CADM3: variants seen among roughly 807,000 people sequenced by gnomAD.
The protein encoded by CADM3 is TSLC1-like 1.
In CADM3, 11 loss-of-function variants were observed where a neutral mutation model predicts 44.9. That is an observed-to-expected ratio of 0.25 (90% confidence interval 0.15 to 0.41). CADM3 has a LOEUF of 0.41. CADM3 is among the 10% of genes least tolerant of loss of function. The probability of loss-of-function intolerance (pLI) is 1.00; values close to 1 mark genes in which losing one functional copy is unlikely to be tolerated. For synonymous variants in CADM3, 207 were observed against 205.2 expected, an observed-to-expected ratio of 1.01 and a Z score of -0.08; for missense variants, 426 against 512.0, an observed-to-expected ratio of 0.83 and a Z score of 1.62.
At chr1:159,182,794 A>T (rs1649283368) in intron 1 of CADM3, among the ~76,000 whole-genome samples, 1 of 152,254 alleles carries the variant, frequency 6.6e-6, no homozygotes, top group Admixed American at 6.5e-5. Context: ...GCAAGGTTTT[A>T]GGAACTATGT....
intron 8 of CADM3, among the ~76,000 whole-genome samples, 163 bp from the exon 9 acceptor site, chr1:159,200,641 G>A (rs543813629): frequency 1.3e-5 from 2 of 152,334 alleles, no homozygotes; most frequent in East Asian, 1.9e-4. Context: ...GGTGAGGCAT[G>A]TTGGAAGCAA....
chr1:159,193,325 A>T, intron 3 of CADM3, 98 bp from the exon 4 acceptor site: 2 of 1,255,850 alleles, frequency 1.6e-6, no homozygotes, highest in South Asian at 2.9e-5. Context: ...ATTATAGTAG[A>T]ACCCAGGTAC....
At chr1:159,181,087 C>T (rs1649214569) in intron 1 of CADM3, among the ~76,000 whole-genome samples, 1 of 152,076 alleles carries the variant, frequency 6.6e-6, no homozygotes, top group African/African-American at 2.4e-5. Context: ...TGGCCCATTC[C>T]CAGTCTCTAT....
chr1:159,200,735 A>G lies in CADM3; in HGVS notation c.1079-69A>G, dbSNP rs1055312230. 1.0e-5 allele frequency: 12 copies of G among 1,164,950 alleles called. No homozygotes were observed. In the Admixed American group the frequency reaches 2.9e-4, roughly 28 times the overall value. The allele number at this position is 1,164,950 out of a possible 1,614,324, so 72.2% of individuals were successfully genotyped here. A position where few individuals can be genotyped will look rare whatever the true frequency, so the allele number is the denominator to read the frequency against. On this transcript the variant is annotated intron_variant, in intron 8 of 8. Transcript: ENST00000368125. ...AGCAGTGTGTGAGTGGGTGGGTGAG[A>G]AAGTGGGCAGGGTGGACTCAGAGGT...
intron 1 of CADM3, chr1:159,189,937 C>G (rs1182014550): frequency 8.9e-7 from 1 of 1,123,724 alleles, no homozygotes; most frequent in Admixed American, 2.1e-5. Context: ...ACATCCTCTC[C>G]CACTCATGTT....
Position 159,200,850 on chromosome 1 carries a change from C to G in CADM3, c.1125C>G (p.Asp375Glu). The stretch of plus-strand genomic sequence containing the variant: ...CAAAAGGCTCCGACGATGCTCCAGA[C>G]GCGGACACGGCCATCATCAATGCAG... Reference protein sequence around the residue: ...HEAKGSDDAPDADTAIINAEG... With the variant: ...HEAKGSDDAPEADTAIINAEG... Residue 375 changes from aspartate (D) to glutamate (E), a missense_variant, in exon 9 of 9, where the codon GAC (aspartate) becomes GAG (glutamate). Asp to Glu is a conservative substitution (Grantham distance 45). Transcript: ENST00000368125. 1 of 1,611,162 alleles carries G rather than the reference C, an allele frequency of 6.2e-7. No individual in the cohort carries two copies. Among genetic ancestry groups the G allele is most frequent in the South Asian group, 1.1e-5 (1 of 90,684 alleles).
intron 1 of CADM3, among the ~76,000 whole-genome samples, chr1:159,172,137 T>C (rs1432172917): frequency 1.3e-5 from 2 of 152,078 alleles, no homozygotes; most frequent in African/African-American, 2.4e-5. Context: ...GCCCGGGGTC[T>C]GGATGTGTTG....
At position 159,201,472 on chromosome 1, in the gene CADM3, C is replaced by T. The variant is rs1245326653; in HGVS notation, c.*550C>T. On this transcript the variant is annotated 3_prime_UTR_variant, in exon 9 of 9. Transcript: ENST00000368125. ...CCTCTGGTAGCCACACACCTGAGCA[C>T]TACGGACAGGGAGGCAGGTGCCACC... 3.3e-5 allele frequency: 5 copies of T among 152,328 alleles called. No individual in the cohort carries two copies. The highest frequency in any genetic ancestry group is 3.3e-4 in the Admixed American group (5 of 15,282). The allele number at this position is 152,328 out of a possible 1,614,324, so 9.4% of individuals were successfully genotyped here. A position where few individuals can be genotyped will look rare whatever the true frequency, so the allele number is the denominator to read the frequency against.
chr1:159,180,538 G>A (rs1183354957), intron 1 of CADM3, among the ~76,000 whole-genome samples: 1 of 152,028 alleles, frequency 6.6e-6, no homozygotes, highest in Non-Finnish European at 1.5e-5. Flanking sequence ...CTCACAAAGT[G>A]AGGCTAATGC....
Position 159,196,389 on chromosome 1 carries a change from A to G in CADM3, c.717A>G (p.Pro239=). Residue 239 remains proline (P), a synonymous_variant, in exon 6 of 9, where the codon CCA becomes CCG. Transcript: ENST00000368125. ...VLYTPTAMIR[P]DPPHPREGQK... The stretch of plus-strand genomic sequence containing the variant: ...ACACACCAACTGCGATGATTAGGCC[A>G]GACCCTCCCCATCCTCGTGAGGGCC... The G allele has an allele frequency of 6.2e-7, 1 of 1,614,168 alleles. No individual in the cohort carries two copies. Among genetic ancestry groups the G allele is most frequent in the Non-Finnish European group, 8.5e-7 (1 of 1,180,006 alleles).
Position 159,191,456 on chromosome 1 carries a change from C to G in CADM3, c.89-480C>G, listed in dbSNP as rs189979664. On this transcript the variant is annotated intron_variant, in intron 1 of 8. Transcript: ENST00000368125. ...TGTAAATGAATGTGCAATCCAAGAG[C>G]TGGTTTAGCCTTTTCCCCATTTTAG... 7.2e-5 allele frequency among the ~76,000 whole-genome samples: 11 copies of G among 152,356 alleles called. No individual in the cohort carries two copies. In the East Asian group the frequency reaches 1.9e-3, roughly 27 times the overall value.
rs780996013 is a variant in CADM3, at chr1:159,200,948, C to T, written c.*26C>T. ...AGGCGCCTGCCCACTTCCTGCGCCC[C>T]CCAGGGGCCCTGTGGGGACTGCTGG... is the stretch of plus-strand genomic sequence containing the variant. On this transcript the variant is annotated 3_prime_UTR_variant, in exon 9 of 9. Coordinates refer to ENST00000368125, the MANE Select transcript of CADM3 (RefSeq NM_001127173.3). 2.6e-6 allele frequency: 4 copies of T among 1,548,690 alleles called. No homozygotes were observed. The African/African-American group carries it at 5.5e-5, about 21-fold the overall frequency.
At position 159,193,467 on chromosome 1, in the gene CADM3, C is replaced by T. The variant is rs1021719284; in HGVS notation, c.427C>T (p.Arg143Trp). Residue 143 changes from arginine to tryptophan, a missense_variant, in exon 4 of 9, where the codon CGG becomes TGG. This residue lies in a region of CADM3 where 362 missense variants were observed against 474.6 expected (regional missense o/e 0.76). Coordinates refer to ENST00000368125, the MANE Select transcript of CADM3 (RefSeq NM_001127173.3). The part of the protein sequence containing the change: ...PIITGYKSSL[R>W]EKDTATLNCQ... ...CATCACTGGTTATAAATCTTCATTA[C>T]GGGAAAAAGACACAGCCACCCTAAA... The T allele has an allele frequency of 4.3e-6, 7 of 1,611,918 alleles. No individual in the cohort carries two copies. Among genetic ancestry groups the T allele is most frequent in the Non-Finnish European group, 5.1e-6 (6 of 1,178,402 alleles).
chr1:159,200,664 G>A, intron 8 of CADM3, 140 bp from the exon 9 acceptor site: 1 of 594,092 alleles, frequency 1.7e-6, no homozygotes, highest in East Asian at 3.0e-5. Context: ...TGCGAATTAG[G>A]TAAGGTGGAG....
chr1:159,191,535 T>A (rs979319232), intron 1 of CADM3, among the ~76,000 whole-genome samples: 4 of 152,180 alleles, frequency 2.6e-5, no homozygotes, highest in Admixed American at 2.6e-4. Context: ...TATATGTAGG[T>A]GGTGGCAGGA....
intron 1 of CADM3, among the ~76,000 whole-genome samples, chr1:159,173,822 C>T (rs1011395894): frequency 9.2e-5 from 14 of 152,176 alleles, no homozygotes; most frequent in Non-Finnish European, 2.1e-4. Context: ...GTGAGCTCTT[C>T]TACTCTAAGA....
In CADM3 at chr1:159,202,525, G is replaced by C. The variant is rs1557942970; in HGVS notation, c.*1603G>C. The stretch of plus-strand genomic sequence containing the variant: ...ATAGTCTGTACCCAGTGAGTTGAAG[G>C]CTGGGTCCCCACCCTTCCTTTTGAT... On this transcript the variant is annotated 3_prime_UTR_variant, in exon 9 of 9. Coordinates refer to ENST00000368125, the MANE Select transcript of CADM3 (RefSeq NM_001127173.3). 1 of 152,588 alleles carries C rather than the reference G, an allele frequency of 6.6e-6. No homozygotes were observed. The highest frequency in any genetic ancestry group is 1.5e-5 in the Non-Finnish European group (1 of 68,234). 9.5% of individuals were successfully genotyped at this position (152,588 alleles called of 1,614,324 possible).
At chr1:159,186,567 AATCC>A in intron 1 of CADM3, among the ~76,000 whole-genome samples, 4 of 152,224 alleles carry the variant, frequency 2.6e-5, no homozygotes, top group African/African-American at 9.6e-5. Flanking sequence ...ACACAATCTG[AATCC>A]AAAGAAGGTA....
chr1:159,177,110 AG>A (rs1237062227), intron 1 of CADM3, among the ~76,000 whole-genome samples: 2 of 152,124 alleles, frequency 1.3e-5, no homozygotes, highest in African/African-American at 4.8e-5. Context: ...CCTCTTTAGA[AG>A]ATAGGCCTAA....
Sources: allele counts gnomAD v4.1 joint callset (sites outside exome capture counted in the v4.1 genomes callset), GRCh38; gene constraint gnomAD v4.1.1; regional missense constraint gnomAD v4.1.1; transcripts MANE v1.5; gene names NCBI Gene and HGNC (gene_info 2026-07-23, HGNC 2026-07-21).